YAE1: variants seen among roughly 807,000 people sequenced by gnomAD.
YAE1 encodes the protein protein YAE1 homolog.
Under a neutral mutation model 23.0 loss-of-function variants are expected in YAE1, and 22 were observed. That is an observed-to-expected ratio of 0.96 (90% CI 0.68 to 1.37). The LOEUF is 1.37. YAE1 is among the 40% of genes most tolerant of loss of function. The pLI is 0.00. For missense variants in YAE1, 260 were observed against 262.1 expected, an observed-to-expected ratio of 0.99 and a Z score of 0.06; for synonymous variants, 101 against 97.0, an observed-to-expected ratio of 1.04 and a Z score of -0.24.
chr7:39,570,004 T>C, intron 1 of YAE1: 1 of 1,349,598 alleles, frequency 7.4e-7, no homozygotes, highest in Non-Finnish European at 1.1e-6. Flanking sequence ...AACTTTCCCA[T>C]TCCGGTTAAT....
At chr7:39,584,461 G>A (rs1250111218) in intron 2 of YAE1, among the ~76,000 whole-genome samples, 1 of 152,126 alleles carries the variant, frequency 6.6e-6, no homozygotes, top group Non-Finnish European at 1.5e-5. Context: ...CTGTTTATAA[G>A]TATCAAAGCC....
At chr7:39,567,457 TCATCATC>T (rs1018576035) in intron 1 of YAE1, among the ~76,000 whole-genome samples, 3 of 152,116 alleles carry the variant, frequency 2.0e-5, no homozygotes, top group African/African-American at 7.2e-5. Flanking sequence ...ACCAGACTTC[TCATCATC>T]CTTTTTTTTT....
At chr7:39,569,888 A>G (rs1790537023) in intron 1 of YAE1, 1 of 1,101,276 alleles carries the variant, frequency 9.1e-7, no homozygotes. Context: ...CTTTACAATG[A>G]TAAATAGTAG....
downstream of YAE1, among the ~76,000 whole-genome samples, chr7:39,574,474 T>C (rs1371181137): frequency 6.6e-6 from 1 of 152,118 alleles, no homozygotes; most frequent in African/African-American, 2.4e-5. Flanking sequence ...GGCTCATGCC[T>C]GTAATCCTAA....
At chr7:39,579,431 G>T (rs1404727421) in intron 2 of YAE1, among the ~76,000 whole-genome samples, 1 of 152,156 alleles carries the variant, frequency 6.6e-6, no homozygotes, top group Non-Finnish European at 1.5e-5. Context: ...TTCTATGAGA[G>T]GCCGAGGTGG....
In YAE1 at chr7:39,587,281, TC is replaced by T. The variant is rs374492902; in HGVS notation, c.251+16656del. On this transcript the variant is annotated intron_variant, in intron 2 of 2. Transcript: ENST00000432096. ...CGTGTTGCCCAGGCTGGTCTCGAAC[TC>T]CTGACTTCAAGTGATCCACCCCTCT... Among the ~76,000 whole-genome samples the T allele has an allele frequency of 7.2e-4, 110 of 151,898 alleles. No homozygotes were observed. In the Middle Eastern group the frequency reaches 0.01, roughly 14 times the overall value.
intron 2 of YAE1, among the ~76,000 whole-genome samples, chr7:39,583,240 T>C (rs1159796076): frequency 2.0e-5 from 3 of 152,254 alleles, no homozygotes; most frequent in Admixed American, 1.3e-4. Flanking sequence ...AATGTATACA[T>C]GTGGACATAT....
In YAE1 at chr7:39,572,792, C is replaced by A; in HGVS notation, c.*86C>A. On this transcript the variant is annotated 3_prime_UTR_variant, in exon 3 of 3. Transcript: ENST00000223273. ...AATTTGTACTGGTTTCTGCATCAAA[C>A]ACCTCAACTGTAGGGTTACCCTTTA... 1 of 1,487,432 alleles carries A rather than the reference C, an allele frequency of 6.7e-7. No homozygotes were observed. The highest frequency in any genetic ancestry group is 8.9e-7 in the Non-Finnish European group (1 of 1,124,728). The allele number at this position is 1,487,432 out of a possible 1,614,324, so 92.1% of individuals were successfully genotyped here.
chr7:39,586,135 C>T (rs1790810317), intron 2 of YAE1, among the ~76,000 whole-genome samples: 1 of 151,686 alleles, frequency 6.6e-6, no homozygotes, highest in Admixed American at 6.6e-5. Flanking sequence ...CAGTCTATGT[C>T]AGTAATGATA....
At chr7:39,582,316 A>T (rs187413929) in intron 2 of YAE1, among the ~76,000 whole-genome samples, 174 of 152,160 alleles carry the variant, frequency 1.1e-3, no homozygotes, top group Middle Eastern at 6.8e-3. Flanking sequence ...TCTAGGCATG[A>T]GCCACCATGC....
chr7:39,583,309 A>T (rs2115803377), intron 2 of YAE1, among the ~76,000 whole-genome samples: 1 of 152,370 alleles, frequency 6.6e-6, no homozygotes, highest in East Asian at 1.9e-4. Flanking sequence ...TTAACAAAAT[A>T]AAGTTCTTTA....
rs770845143 is a variant in YAE1, at chr7:39,604,966, C to A, written c.252-4651C>A. 2.6e-5 allele frequency among the ~76,000 whole-genome samples: 4 copies of A among 152,300 alleles called. No homozygotes were observed. In the South Asian group the frequency reaches 8.3e-4, roughly 32 times the overall value. ...GTGTGTGAAATAGAATATAGACTTACTCTGAGTAGTTCCAAAGGTTAGAAG... is the reference window on the plus strand; with the variant it reads ...GTGTGTGAAATAGAATATAGACTTAATCTGAGTAGTTCCAAAGGTTAGAAG... On this transcript the variant is annotated intron_variant, in intron 2 of 2. Coordinates refer to the YAE1 transcript ENST00000432096.
chr7:39,607,585 C>T (rs1791148235), intron 2 of YAE1, among the ~76,000 whole-genome samples: 1 of 152,226 alleles, frequency 6.6e-6, no homozygotes, highest in South Asian at 2.1e-4. Context: ...TAAGATAATA[C>T]ACTTTTTGTT....
At chr7:39,607,185 T>C (rs940754002) in intron 2 of YAE1, among the ~76,000 whole-genome samples, 4 of 152,208 alleles carry the variant, frequency 2.6e-5, no homozygotes, top group Non-Finnish European at 5.9e-5. Flanking sequence ...CAGGATCCTC[T>C]CCTTTGTTCA....
At chr7:39,574,733 CAAAAA>C (rs574580885), downstream of YAE1, among the ~76,000 whole-genome samples, 97 of 78,078 alleles carry the variant, frequency 1.2e-3, no homozygotes, top group Middle Eastern at 6.2e-3. Flanking sequence ...ACTCTGTCTC[CAAAAA>C]AAAAAAAAAA....
intron 2 of YAE1, among the ~76,000 whole-genome samples, chr7:39,581,245 G>A (rs1004082280): frequency 6.6e-6 from 1 of 152,124 alleles, no homozygotes; most frequent in Non-Finnish European, 1.5e-5. Context: ...CCTTATTAAT[G>A]ACATAGTCAT....
chr7:39,590,008 G>A (rs1583678332), intron 2 of YAE1, among the ~76,000 whole-genome samples: 1 of 152,314 alleles, frequency 6.6e-6, no homozygotes, highest in East Asian at 1.9e-4. Context: ...AAATATGTAC[G>A]TGTTATGGTT....
chr7:39,610,628 A>G (rs987052942), downstream of YAE1, among the ~76,000 whole-genome samples: 10 of 152,118 alleles, frequency 6.6e-5, no homozygotes, highest in African/African-American at 2.4e-4. Flanking sequence ...GAGAGTGTGT[A>G]TGTGTCTGTA....
chr7:39,573,536 A>G (rs2115780014), downstream of YAE1, among the ~76,000 whole-genome samples: 1 of 152,292 alleles, frequency 6.6e-6, no homozygotes, highest in East Asian at 1.9e-4. Flanking sequence ...ACTCAGAATC[A>G]GGAGAGGATT....
Sources: gnomAD v4.1 joint callset for allele counts (sites outside exome capture counted in the v4.1 genomes callset) on GRCh38, gnomAD v4.1.1 for gene constraint, MANE v1.5 for transcripts, NCBI Gene and HGNC (gene_info 2026-07-23, HGNC 2026-07-21) for gene names.